Variants in PDE9A observed in about 807,000 individuals in gnomAD.
PDE9A encodes phosphodiesterase 9A.
Under a neutral mutation model 87.4 loss-of-function variants are expected in PDE9A, and 60 were observed. The ratio of observed to expected loss-of-function variants is 0.69; its 90% CI spans 0.56 to 0.85. The LOEUF (loss-of-function observed/expected upper bound fraction) is 0.85, where lower values mean the gene tolerates loss of function less well. PDE9A is among the 40% of genes least tolerant of loss of function. PDE9A has a pLI of 0.00. For missense variants in PDE9A, 665 were observed against 779.0 expected, an observed-to-expected ratio of 0.85 and a Z score of 1.74; for synonymous variants, 272 against 279.4, an observed-to-expected ratio of 0.97 and a Z score of 0.27.
chr21:42,754,599 G>A (rs940554506), intron 10 of PDE9A, among the ~76,000 whole-genome samples: 1 of 152,224 alleles, frequency 6.6e-6, no homozygotes, highest in Non-Finnish European at 1.5e-5. Flanking sequence ...ACTAGCCTGA[G>A]TGATATGATT....
In PDE9A at chr21:42,759,217, C is replaced by A. The variant is rs1254331833; in HGVS notation, c.897+132C>A. On this transcript the variant is annotated intron_variant, in intron 11 of 19. Transcript: ENST00000291539. The surrounding 1 kb of genome is among the most constrained non-coding windows in gnomAD (Gnocchi z 7.2). ...TCCCTGTGAGCAGAGGTGACATTTC[C>A]CCGGGAGTTCTGTGAGGACACTCAG... 3.0e-6 allele frequency: 2 copies of A among 664,184 alleles called. No individual in the cohort carries two copies. Among genetic ancestry groups the A allele is most frequent in the Non-Finnish European group, 5.4e-6 (2 of 367,528 alleles). 41.1% of individuals were successfully genotyped at this position (664,184 alleles called of 1,614,324 possible). A position where few individuals can be genotyped will look rare whatever the true frequency, so the allele number is the denominator to read the frequency against.
chr21:42,678,914 G>A (rs1193711851), intron 1 of PDE9A, among the ~76,000 whole-genome samples: 1 of 152,256 alleles, frequency 6.6e-6, no homozygotes, highest in Admixed American at 6.5e-5. Context: ...TGTCTGGGCT[G>A]AAGCCCAGTG....
chr21:42,745,769 G>T (rs7281237), intron 8 of PDE9A, among the ~76,000 whole-genome samples: 140,507 of 152,284 alleles, frequency 0.92, 65,502 homozygotes, highest in Non-Finnish European at 0.99. Context: ...GGAGATGGGT[G>T]GCCTCAAGCT....
chr21:42,719,175 A>C (rs1225040415), intron 4 of PDE9A, among the ~76,000 whole-genome samples: 1 of 151,632 alleles, frequency 6.6e-6, no homozygotes, highest in Admixed American at 6.6e-5. Context: ...GTTTATACAG[A>C]ATTTGGGTCC....
chr21:42,740,955 A>G (rs1224901705), intron 7 of PDE9A: 1 of 152,162 alleles, frequency 6.6e-6, no homozygotes, highest in Non-Finnish European at 1.5e-5. Context: ...TACACTTCCT[A>G]CAATGATAAT....
chr21:42,758,790 T>A, intron 10 of PDE9A: 8 of 517,264 alleles, frequency 1.5e-5, no homozygotes, highest in Admixed American at 3.3e-5. Context: ...CCCCCACCCA[T>A]CTGAGTGGCC....
chr21:42,756,950 GC>G (rs2055129521), intron 10 of PDE9A: 1 of 152,380 alleles, frequency 6.6e-6, no homozygotes, highest in South Asian at 2.1e-4. Context: ...CACAGCAGAC[GC>G]ATCTGCCTTT....
intron 1 of PDE9A, among the ~76,000 whole-genome samples, chr21:42,670,319 C>G (rs571789155): frequency 8.7e-6 from 1 of 115,236 alleles, no homozygotes; most frequent in African/African-American, 6.0e-5. Flanking sequence ...AGACACCACA[C>G]TCACATTCAC....
At chr21:42,666,349 G>A (rs372394799) in intron 1 of PDE9A, among the ~76,000 whole-genome samples, 5 of 152,266 alleles carry the variant, frequency 3.3e-5, no homozygotes, top group East Asian at 1.9e-4. Flanking sequence ...TCCCAAGTGT[G>A]AGGCTGTGGG....
chr21:42,746,844 G>A (rs1056268172), intron 8 of PDE9A, among the ~76,000 whole-genome samples: 1 of 152,204 alleles, frequency 6.6e-6, no homozygotes, highest in Middle Eastern at 3.2e-3. Flanking sequence ...TCCCCCAGGA[G>A]TACATTTTTA....
intron 17 of PDE9A, among the ~76,000 whole-genome samples, chr21:42,770,422 G>A (rs754885488): frequency 3.3e-5 from 5 of 152,088 alleles, no homozygotes; most frequent in Admixed American, 2.0e-4. Context: ...CCCCTGCCCC[G>A]TGTCTTTGTA....
chr21:42,768,903 C>A, intron 16 of PDE9A, 124 bp from the exon 17 acceptor site: 1 of 1,491,670 alleles, frequency 6.7e-7, no homozygotes, highest in Non-Finnish European at 8.9e-7. Context: ...CTTACTGAGA[C>A]ACATTTGTGG....
chr21:42,668,001 T>C (rs980690140), intron 1 of PDE9A, among the ~76,000 whole-genome samples: 3 of 152,148 alleles, frequency 2.0e-5, no homozygotes, highest in Admixed American at 2.0e-4. Context: ...TGGGTCGAAG[T>C]TGGAGAGAGG....
rs879817011 is a variant in PDE9A at position 42,677,760 on chromosome 21, G to A, written c.70-8432G>A. Among the ~76,000 whole-genome samples, 6 of 151,996 alleles carry A rather than the reference G, an allele frequency of 3.9e-5. No individual in the cohort carries two copies. The East Asian group carries it at 5.8e-4, about 15-fold the overall frequency. On this transcript the variant is annotated intron_variant, in intron 1 of 19. Transcript: ENST00000291539. ...CGGGTTCAAGTGATTCTCCTGCCTC[G>A]GCCTCCTGAGGAGCTGGGACTACAG...
intron 18 of PDE9A, among the ~76,000 whole-genome samples, chr21:42,771,765 G>T (rs2057044002): frequency 6.6e-6 from 1 of 152,230 alleles, no homozygotes; most frequent in South Asian, 2.1e-4. Flanking sequence ...ACACCCGCCT[G>T]GAGCGCCATG....
At chr21:42,768,393 C>A in intron 16 of PDE9A, 101 bp downstream of exon 16, 1 of 1,025,266 alleles carries the variant, frequency 9.8e-7, no homozygotes. Flanking sequence ...CCCGCATATT[C>A]CCCGGGCTGC....
chr21:42,700,484 G>A (rs907146723), intron 4 of PDE9A, among the ~76,000 whole-genome samples: 1 of 152,160 alleles, frequency 6.6e-6, no homozygotes, highest in African/African-American at 2.4e-5. Flanking sequence ...CCCCAGTCTG[G>A]GTTTGTCTGA....
chr21:42,712,668 A>G (rs1208402088), intron 4 of PDE9A, among the ~76,000 whole-genome samples: 1 of 152,184 alleles, frequency 6.6e-6, no homozygotes, highest in East Asian at 1.9e-4. Context: ...GATGCCTTTC[A>G]TAAGGTTGGA....
chr21:42,676,066 TC>T (rs1173482524), intron 1 of PDE9A, among the ~76,000 whole-genome samples: 1 of 152,168 alleles, frequency 6.6e-6, no homozygotes, highest in African/African-American at 2.4e-5. Flanking sequence ...TGTGCACGCC[TC>T]CCTTCATCAT....
Sources: allele counts gnomAD v4.1 joint callset (sites outside exome capture counted in the v4.1 genomes callset), GRCh38; gene constraint gnomAD v4.1.1; non-coding constraint Gnocchi (gnomAD v3.1); transcripts MANE v1.5; gene names NCBI Gene and HGNC (gene_info 2026-07-23, HGNC 2026-07-21).